The following B4GALT6 variants were observed in gnomAD, a reference collection of about 807,000 sequenced individuals.
B4GALT6 encodes the protein UDP-Gal:beta-GlcNAc beta-1,4-galactosyltransferase 6.
A neutral mutation model predicts 46.3 loss-of-function variants in B4GALT6; 14 were observed. That is an observed-to-expected ratio of 0.30 (90% CI 0.20 to 0.47). The LOEUF (loss-of-function observed/expected upper bound fraction) is 0.47. Ranked by LOEUF, B4GALT6 falls within the 20% of genes least tolerant of loss-of-function variation. B4GALT6 has a pLI of 0.99. For missense variants in B4GALT6, 386 were observed against 480.1 expected, an observed-to-expected ratio of 0.80 and a Z score of 1.83; for synonymous variants, 168 against 162.0, an observed-to-expected ratio of 1.04 and a Z score of -0.28.
At chr18:31,713,742 A>G in the B4GALT6 span, among the ~76,000 whole-genome samples, 7 of 152,290 alleles carry the variant, frequency 4.6e-5, 1 homozygote, top group African/African-American at 1.7e-4. Flanking sequence ...TTTTTCAAGC[A>G]AGGATTCCCC....
At chr18:31,690,657 G>A (rs1182725387), upstream of B4GALT6, among the ~76,000 whole-genome samples, 3 of 151,356 alleles carry the variant, frequency 2.0e-5, no homozygotes, top group South Asian at 2.1e-4. Flanking sequence ...TTTTAGTAGA[G>A]ACGGGGTTTC....
intron 1 of B4GALT6, among the ~76,000 whole-genome samples, chr18:31,673,498 G>A (rs1384378111): frequency 1.3e-5 from 2 of 152,080 alleles, no homozygotes; most frequent in African/African-American, 4.8e-5. Context: ...GGATGGACAC[G>A]GGGGACAAAG....
At chr18:31,716,542 G>C in the B4GALT6 span, among the ~76,000 whole-genome samples, 1 of 152,122 alleles carries the variant, frequency 6.6e-6, no homozygotes, top group Non-Finnish European at 1.5e-5. Flanking sequence ...CAGTGAACAG[G>C]GTCAGAGAAA....
intron 1 of B4GALT6, among the ~76,000 whole-genome samples, chr18:31,681,362 T>A (rs1199539563): frequency 6.6e-6 from 1 of 152,228 alleles, no homozygotes; most frequent in African/African-American, 2.4e-5. Flanking sequence ...GGCTCTGGCC[T>A]CTAGGGGTGG....
At chr18:31,701,011 A>G in the B4GALT6 span, among the ~76,000 whole-genome samples, 2 of 152,216 alleles carry the variant, frequency 1.3e-5, no homozygotes, top group African/African-American at 2.4e-5. Flanking sequence ...TTAGATTAAC[A>G]AAAACAATGG....
intron 3 of B4GALT6, among the ~76,000 whole-genome samples, chr18:31,650,906 A>G (rs1267399699): frequency 6.6e-6 from 1 of 152,124 alleles, no homozygotes; most frequent in African/African-American, 2.4e-5. Context: ...AGCTGGGACT[A>G]CAGGCTCCTG....
chr18:31,700,902 T>C, the B4GALT6 span, among the ~76,000 whole-genome samples: 1 of 152,154 alleles, frequency 6.6e-6, no homozygotes, highest in African/African-American at 2.4e-5. Context: ...CACATTGATA[T>C]AGAGTCTGAG....
At chr18:31,660,877 A>G (rs2074205490) in intron 2 of B4GALT6, among the ~76,000 whole-genome samples, 1 of 152,212 alleles carries the variant, frequency 6.6e-6, no homozygotes, top group African/African-American at 2.4e-5. Context: ...AAATACAAAA[A>G]GATCCCAAAA....
upstream of B4GALT6, among the ~76,000 whole-genome samples, chr18:31,688,505 T>C (rs1383187746): frequency 2.0e-5 from 3 of 152,082 alleles, no homozygotes; most frequent in Non-Finnish European, 2.9e-5. Context: ...ATGATAATTC[T>C]GTATTGTAGT....
chr18:31,710,814 C>CCACACACACACACACACA, the B4GALT6 span, among the ~76,000 whole-genome samples: 23,808 of 139,900 alleles, frequency 0.17, 2,591 homozygotes, highest in South Asian at 0.3. Flanking sequence ...CCTGAATACA[C>CCACACACACACACACACA]CACACACACA....
rs182458198 is a variant in B4GALT6, at chr18:31,625,442, C to T, written c.*172G>A. On this transcript the variant is annotated 3_prime_UTR_variant, in exon 9 of 9. Transcript: ENST00000306851. Reference sequence around the variant, plus strand: ...GGGGTGTGTCTCAGAGCAGGGAGGACGGGTGAGAGAAGGGTGACTGTATAT... The same window carrying T: ...GGGGTGTGTCTCAGAGCAGGGAGGATGGGTGAGAGAAGGGTGACTGTATAT... 3.0e-5 allele frequency: 18 copies of T among 605,900 alleles called. No individual in the cohort carries two copies. The highest frequency in any genetic ancestry group is 2.0e-4 in the Admixed American group (5 of 25,106). The allele number at this position is 605,900 out of a possible 1,614,324, so 37.5% of individuals were successfully genotyped here. A position where few individuals can be genotyped will look rare whatever the true frequency, so the allele number is the denominator to read the frequency against.
chr18:31,721,929 C>A, the B4GALT6 span, among the ~76,000 whole-genome samples: 106 of 151,920 alleles, frequency 7.0e-4, no homozygotes, highest in Non-Finnish European at 1.3e-3. Context: ...GGTTCTGTTT[C>A]TCTGGAGAGC....
At chr18:31,718,269 T>C in the B4GALT6 span, among the ~76,000 whole-genome samples, 1 of 152,332 alleles carries the variant, frequency 6.6e-6, no homozygotes, top group African/African-American at 2.4e-5. Flanking sequence ...GATAGCAACA[T>C]TTAGGGTAGA....
the B4GALT6 span, among the ~76,000 whole-genome samples, chr18:31,714,876 C>T: frequency 1.3e-5 from 2 of 152,170 alleles, no homozygotes; most frequent in African/African-American, 4.8e-5. Context: ...TACTCAGGAT[C>T]TGGGTCAGTA....
the B4GALT6 span, among the ~76,000 whole-genome samples, chr18:31,720,069 G>A: frequency 6.6e-6 from 1 of 152,224 alleles, no homozygotes; most frequent in Non-Finnish European, 1.5e-5. Flanking sequence ...GAAAAGGGCT[G>A]TTATTAATTT....
chr18:31,720,329 A>T, the B4GALT6 span, among the ~76,000 whole-genome samples: 1 of 152,180 alleles, frequency 6.6e-6, no homozygotes. Flanking sequence ...GGATCCAGAC[A>T]CTGGTGTGTT....
chr18:31,715,717 A>ATT, the B4GALT6 span, among the ~76,000 whole-genome samples: 2 of 144,596 alleles, frequency 1.4e-5, no homozygotes, highest in Non-Finnish European at 1.5e-5. Context: ...CACCTGGCTA[A>ATT]TTTTTTTTTT....
At chr18:31,700,468 T>TGTGTGTGTGA in the B4GALT6 span, among the ~76,000 whole-genome samples, 18,363 of 148,182 alleles carry the variant, frequency 0.12, 1,218 homozygotes, top group Middle Eastern at 0.14. Flanking sequence ...TGTGTGTGTG[T>TGTGTGTGTGA]GAGAGAGAGA....
At chr18:31,704,528 T>C in the B4GALT6 span, among the ~76,000 whole-genome samples, 1 of 152,162 alleles carries the variant, frequency 6.6e-6, no homozygotes, top group South Asian at 2.1e-4. Flanking sequence ...ATCAAAGGTC[T>C]GCATCTATTT....
Sources: allele counts gnomAD v4.1 joint callset (sites outside exome capture counted in the v4.1 genomes callset), GRCh38; gene constraint gnomAD v4.1.1; transcripts MANE v1.5; gene names NCBI Gene and HGNC (gene_info 2026-07-23, HGNC 2026-07-21).